Variants in FRK observed in about 807,000 individuals in gnomAD.
The protein encoded by FRK is fyn related Src family tyrosine kinase.
A neutral mutation model predicts 56.4 loss-of-function variants in FRK; 51 were observed. That is an observed-to-expected ratio of 0.90 (90% CI 0.72 to 1.14). FRK has a LOEUF of 1.14. Among genes scored for constraint, FRK ranks in the 50% most tolerant of loss-of-function variants. The pLI is 0.00. For synonymous variants in FRK, 245 were observed against 217.9 expected, an observed-to-expected ratio of 1.12 and a Z score of -1.10; for missense variants, 570 against 601.4, an observed-to-expected ratio of 0.95 and a Z score of 0.55.
chr6:115,957,579 A>T (rs1457418352), intron 4 of FRK, among the ~76,000 whole-genome samples: 1 of 152,234 alleles, frequency 6.6e-6, no homozygotes, highest in Non-Finnish European at 1.5e-5. Flanking sequence ...AAGACTTTAC[A>T]ACTGATATTT....
At chr6:115,959,276 A>C (rs998367482) in intron 4 of FRK, among the ~76,000 whole-genome samples, 1 of 152,184 alleles carries the variant, frequency 6.6e-6, no homozygotes, top group Non-Finnish European at 1.5e-5. Context: ...ACTGTAAATC[A>C]ATAATAATTA....
At position 115,948,648 on chromosome 6, in the gene FRK, T is replaced by G. The variant is rs569663550; in HGVS notation, c.959-4223A>C. 8.5e-5 allele frequency among the ~76,000 whole-genome samples: 13 copies of G among 152,344 alleles called. No homozygotes were observed. The East Asian group carries it at 1.9e-3, about 23-fold the overall frequency. ...CCACTTATAACTTATGATTGTTAAA[T>G]CTATATCTCTTGCTGCATATTCTCC... On this transcript the variant is annotated intron_variant, in intron 5 of 7. Transcript: ENST00000606080.
At chr6:116,046,008 A>C (rs999606402) in intron 1 of FRK, among the ~76,000 whole-genome samples, 1 of 152,250 alleles carries the variant, frequency 6.6e-6, no homozygotes, top group African/African-American at 2.4e-5. Context: ...TTCTCAAAAG[A>C]AGACATTTAT....
chr6:115,975,761 T>C (rs575571346), intron 2 of FRK, among the ~76,000 whole-genome samples: 5 of 152,302 alleles, frequency 3.3e-5, no homozygotes, highest in African/African-American at 4.8e-5. Flanking sequence ...GGCATTATGA[T>C]TGAACTCAGC....
chr6:116,082,655 A>G, the FRK span, among the ~76,000 whole-genome samples: 3 of 152,226 alleles, frequency 2.0e-5, no homozygotes, highest in South Asian at 2.1e-4. Context: ...TGGAAAACAT[A>G]GAGTTTCTAT....
chr6:115,944,211 T>C, intron 6 of FRK, 33 bp downstream of exon 6: 7 of 1,563,134 alleles, frequency 4.5e-6, no homozygotes, highest in Non-Finnish European at 6.1e-6. Flanking sequence ...TTTGACCTAT[T>C]ACAAAAACTA....
chr6:116,041,124 C>G (rs556132952), intron 1 of FRK, among the ~76,000 whole-genome samples: 2 of 152,176 alleles, frequency 1.3e-5, no homozygotes, highest in South Asian at 4.1e-4. Flanking sequence ...ACTATCGCTT[C>G]CCTGAGTTAG....
chr6:116,044,421 T>A (rs1017240227), intron 1 of FRK, among the ~76,000 whole-genome samples: 1 of 152,150 alleles, frequency 6.6e-6, no homozygotes, highest in Non-Finnish European at 1.5e-5. Context: ...ATGCAAGGCT[T>A]ACTCAACATA....
intron 1 of FRK, among the ~76,000 whole-genome samples, chr6:116,009,062 T>G (rs1392071228): frequency 6.6e-6 from 1 of 151,864 alleles, no homozygotes; most frequent in South Asian, 2.1e-4. Flanking sequence ...AAAAGGAAAG[T>G]GACTAACAAA....
chr6:116,036,579 A>C (rs146420153), intron 1 of FRK, among the ~76,000 whole-genome samples: 1 of 152,244 alleles, frequency 6.6e-6, no homozygotes, highest in African/African-American at 2.4e-5. Flanking sequence ...AGAAATGGTA[A>C]AACAAAATCC....
chr6:116,085,048 C>A, the FRK span, among the ~76,000 whole-genome samples: 1 of 152,016 alleles, frequency 6.6e-6, no homozygotes, highest in Non-Finnish European at 1.5e-5. Context: ...GGTATGCCTG[C>A]TTTGAAATTA....
intron 2 of FRK, among the ~76,000 whole-genome samples, chr6:115,982,803 G>T (rs1774249524): frequency 6.6e-6 from 1 of 152,098 alleles, no homozygotes; most frequent in African/African-American, 2.4e-5. Flanking sequence ...TTGGTGGGGT[G>T]GTTCATGCCT....
chr6:115,958,708 A>AAAGAAAGAAGGAAGG (rs1562257460), intron 4 of FRK, among the ~76,000 whole-genome samples: 2 of 12,372 alleles, frequency 1.6e-4, no homozygotes, highest in African/African-American at 6.6e-4. Context: ...AAGAAAGAAG[A>AAAGAAAGAAGGAAGG]AAGAAAGAAA....
chr6:115,957,077 T>G (rs1197402992), intron 4 of FRK, among the ~76,000 whole-genome samples: 1 of 152,222 alleles, frequency 6.6e-6, no homozygotes, highest in African/African-American at 2.4e-5. Flanking sequence ...CATACTTTTG[T>G]CTTTAATTCT....
intron 5 of FRK, among the ~76,000 whole-genome samples, chr6:115,949,231 T>G (rs943632889): frequency 6.6e-6 from 1 of 151,356 alleles, no homozygotes; most frequent in Non-Finnish European, 1.5e-5. Flanking sequence ...CATCTACAAA[T>G]AGCGATAATA....
chr6:115,944,429 A>T lies in FRK; in HGVS notation c.959-4T>A. 9 of 1,586,054 alleles carry T rather than the reference A, an allele frequency of 5.7e-6. No individual in the cohort carries two copies. The highest frequency in any genetic ancestry group is 7.7e-6 in the Non-Finnish European group (9 of 1,171,056). ...TGGATTTTTGATCCAGTGTCATCTA[A>T]GTAATAAGAGAAAAGTAAGAAAGTT... is the stretch of plus-strand genomic sequence containing the variant. On this transcript the variant is annotated splice_region_variant and splice_polypyrimidine_tract_variant and intron_variant, in intron 5 of 7. Coordinates refer to ENST00000606080, the MANE Select transcript of FRK (RefSeq NM_002031.3).
chr6:116,073,031 G>A, the FRK span, among the ~76,000 whole-genome samples: 1 of 152,076 alleles, frequency 6.6e-6, no homozygotes, highest in African/African-American at 2.4e-5. Context: ...TTAAAATATT[G>A]AAAGAGAAGA....
chr6:116,017,897 C>A (rs1171475997), intron 1 of FRK, among the ~76,000 whole-genome samples: 1 of 152,152 alleles, frequency 6.6e-6, no homozygotes, highest in Non-Finnish European at 1.5e-5. Context: ...TCACACTGGA[C>A]CCCACTTCTT....
intron 1 of FRK, among the ~76,000 whole-genome samples, chr6:116,013,472 T>A (rs1775543443): frequency 6.6e-6 from 1 of 152,174 alleles, no homozygotes; most frequent in Non-Finnish European, 1.5e-5. Flanking sequence ...CTGCTTTGAT[T>A]TTGTACAACA....
Sources: allele counts gnomAD v4.1 joint callset (sites outside exome capture counted in the v4.1 genomes callset), GRCh38; gene constraint gnomAD v4.1.1; transcripts MANE v1.5; gene names NCBI Gene and HGNC (gene_info 2026-07-23, HGNC 2026-07-21).